NXN: variants seen among roughly 807,000 people sequenced by gnomAD.
The protein encoded by NXN is nucleoredoxin 1.
A neutral mutation model predicts 48.6 loss-of-function variants in NXN; 16 were observed. The observed-to-expected ratio is 0.33, with a 90% CI of 0.22 to 0.50. NXN has a LOEUF of 0.50. NXN is among the 20% of genes least tolerant of loss of function. The pLI is 0.98. For missense variants in NXN, 492 were observed against 605.5 expected, an observed-to-expected ratio of 0.81 and a Z score of 1.97; for synonymous variants, 281 against 269.6, an observed-to-expected ratio of 1.04 and a Z score of -0.41.
Position 904,637 on chromosome 17 carries a change from G to C in NXN, c.360+74682C>G, listed in dbSNP as rs191177169. 1.4e-4 allele frequency among the ~76,000 whole-genome samples: 22 copies of C among 152,176 alleles called. 1 individual carries two copies. In the East Asian group the frequency reaches 4.1e-3, roughly 28 times the overall value. ...CGGCTCACTGCAACCTCTGCCTCCC[G>C]GGTTCAAGCGATTCTCCTGCCTCAG... is the stretch of plus-strand genomic sequence containing the variant. On this transcript the variant is annotated intron_variant, in intron 1 of 7. Transcript: ENST00000336868.
intron 1 of NXN, among the ~76,000 whole-genome samples, chr17:879,032 G>GCT (rs2068252703): frequency 2.0e-5 from 3 of 152,068 alleles, no homozygotes; most frequent in Non-Finnish European, 2.9e-5. Flanking sequence ...AGGTGTGGTG[G>GCT]CAGGCGCCTC....
chr17:843,465 G>A (rs2067824007), intron 1 of NXN, among the ~76,000 whole-genome samples: 1 of 152,230 alleles, frequency 6.6e-6, no homozygotes, highest in African/African-American at 2.4e-5. Flanking sequence ...CTGACAGAAG[G>A]GATTTCCTAA....
At chr17:854,624 C>T (rs2067965530) in intron 1 of NXN, among the ~76,000 whole-genome samples, 2 of 138,740 alleles carry the variant, frequency 1.4e-5, no homozygotes, top group Non-Finnish European at 3.1e-5. Flanking sequence ...CACTGCACTC[C>T]AGCCTGGGCG....
In NXN at chr17:823,774, GA is replaced by G. The variant is rs1004974450; in HGVS notation, c.479-10del. Reference sequence around the variant, plus strand: ...CCAGGGGAACTCCAGACCTGAAACAGAAAACAGATGGTAAAAGAGGGCTTAG... The same window carrying G: ...CCAGGGGAACTCCAGACCTGAAACAGAAACAGATGGTAAAAGAGGGCTTAG... On this transcript the variant is annotated splice_polypyrimidine_tract_variant and intron_variant, in intron 2 of 7. Transcript: ENST00000336868. The G allele has an allele frequency of 1.9e-6, 3 of 1,614,018 alleles. No homozygotes were observed. In the African/African-American group the frequency reaches 4.0e-5, roughly 22 times the overall value.
At chr17:952,217 G>A (rs2069121076) in intron 1 of NXN, among the ~76,000 whole-genome samples, 1 of 118,702 alleles carries the variant, frequency 8.4e-6, no homozygotes, top group Admixed American at 8.4e-5. Context: ...AACCCGGCAG[G>A]TACCACGGAC....
intron 1 of NXN, chr17:896,853 G>T (rs1465791009): frequency 8.5e-7 from 1 of 1,182,578 alleles, no homozygotes; most frequent in South Asian, 1.4e-5. Context: ...ACGCGGTCCT[G>T]ACCACCCGCC....
intron 5 of NXN, among the ~76,000 whole-genome samples, chr17:806,387 C>G (rs1247298941): frequency 6.6e-6 from 1 of 152,012 alleles, no homozygotes; most frequent in Non-Finnish European, 1.5e-5. Flanking sequence ...ACCGCGCAAC[C>G]CCAGCCAAAA....
intron 1 of NXN, among the ~76,000 whole-genome samples, chr17:848,106 C>A (rs1009466880): frequency 6.6e-6 from 1 of 151,794 alleles, no homozygotes; most frequent in Non-Finnish European, 1.5e-5. Context: ...CAACCCCTGA[C>A]GATTCATTTC....
intron 1 of NXN, among the ~76,000 whole-genome samples, chr17:872,307 G>GGAGA (rs145558544): frequency 1.4e-5 from 2 of 147,860 alleles, no homozygotes; most frequent in African/African-American, 2.6e-5. Flanking sequence ...TCAAAGACTA[G>GGAGA]GAGAGAGAGA....
chr17:908,522 C>T (rs1164772380), intron 1 of NXN, among the ~76,000 whole-genome samples: 7 of 151,706 alleles, frequency 4.6e-5, no homozygotes, highest in Non-Finnish European at 1.0e-4. Context: ...GGCAACAGAA[C>T]GAGACTCTGT....
intron 1 of NXN, among the ~76,000 whole-genome samples, chr17:841,488 T>TCTCATGCCGGCGAGCAGGTCCCCCC (rs1914242104): frequency 3.2e-5 from 1 of 31,038 alleles, no homozygotes; most frequent in African/African-American, 2.7e-4. Flanking sequence ...AGGTCCCCCC[T>TCTCATGCCGGCGAGCAGGTCCCCCC]GACCACGGCG....
intron 1 of NXN, among the ~76,000 whole-genome samples, chr17:884,034 T>C (rs1449547760): frequency 2.6e-5 from 4 of 151,994 alleles, no homozygotes; most frequent in African/African-American, 4.8e-5. Flanking sequence ...CTGGCTAACA[T>C]GGTGAAACCC....
At chr17:834,288 C>T (rs1913663051) in intron 1 of NXN, among the ~76,000 whole-genome samples, 1 of 152,180 alleles carries the variant, frequency 6.6e-6, no homozygotes, top group Non-Finnish European at 1.5e-5. Context: ...TGTCACTGCA[C>T]CCCAGCATGA....
rs765232149 is a variant in NXN at position 979,673 on chromosome 17, C to T, written c.6G>A (p.Ser2=). The change falls in exon 1 of 8, where the codon TCG becomes TCA. Residue 2 remains serine (S), a synonymous_variant. Transcript: ENST00000336868. M[S]GFLEELLGEK... ...CGCCGAGCAGCTCCTCCAGGAAGCC[C>T]GACATCCTGGCCCACCGCAGGGCGG... 2 of 1,461,146 alleles carry T rather than the reference C, an allele frequency of 1.4e-6. No individual in the cohort carries two copies. Among genetic ancestry groups the T allele is most frequent in the African/African-American group, 1.5e-5 (1 of 68,220 alleles). 90.5% of individuals were successfully genotyped at this position (1,461,146 alleles called of 1,614,324 possible).
chr17:902,872 G>A (rs933518996), intron 1 of NXN, among the ~76,000 whole-genome samples: 16 of 151,334 alleles, frequency 1.1e-4, no homozygotes, highest in African/African-American at 1.5e-4. Context: ...TCCGCCTCCC[G>A]GGTTCAAGCG....
intron 4 of NXN, among the ~76,000 whole-genome samples, chr17:819,844 T>C (rs1164760315): frequency 1.3e-5 from 2 of 152,188 alleles, no homozygotes; most frequent in Non-Finnish European, 2.9e-5. Flanking sequence ...AGACAGGTCT[T>C]TCTTGCCTCA....
chr17:860,684 G>A (rs968340674), intron 1 of NXN, among the ~76,000 whole-genome samples: 5 of 152,302 alleles, frequency 3.3e-5, no homozygotes, highest in East Asian at 1.9e-4. Context: ...GTGAGCCGCC[G>A]CGCCCGGCCT....
chr17:870,456 A>C (rs1053498469), intron 1 of NXN, among the ~76,000 whole-genome samples: 1 of 152,098 alleles, frequency 6.6e-6, no homozygotes, highest in African/African-American at 2.4e-5. Flanking sequence ...TGAATGAAAA[A>C]TCCTGGCTGA....
intron 1 of NXN, among the ~76,000 whole-genome samples, chr17:852,647 G>A (rs894773793): frequency 2.6e-5 from 4 of 152,160 alleles, no homozygotes; most frequent in Admixed American, 1.3e-4. Flanking sequence ...TGGGTGGGTG[G>A]AGGAGGGAGG....
Sources: allele counts gnomAD v4.1 joint callset (sites outside exome capture counted in the v4.1 genomes callset), GRCh38; gene constraint gnomAD v4.1.1; transcripts MANE v1.5; gene names NCBI Gene and HGNC (gene_info 2026-07-23, HGNC 2026-07-21).